RYR3: variants seen among roughly 807,000 people sequenced by gnomAD.
RYR3 encodes ryanodine receptor 3, also known as brain ryanodine receptor-calcium release channel.
In RYR3, 207 loss-of-function variants were observed where a neutral mutation model predicts 584.3. The observed-to-expected ratio is 0.35, with a 90% confidence interval of 0.32 to 0.40. The LOEUF (loss-of-function observed/expected upper bound fraction) is 0.40. RYR3 is among the 10% of genes least tolerant of loss of function. RYR3 has a pLI of 1.00. For missense variants in RYR3, 5,616 were observed against 6,089.2 expected, an observed-to-expected ratio of 0.92 and a Z score of 2.59; for synonymous variants, 2,416 against 2,248.5, an observed-to-expected ratio of 1.07 and a Z score of -2.11.
chr15:33,635,481 T>C, intron 25 of RYR3, 133 bp from the exon 26 acceptor site: 3 of 670,762 alleles, frequency 4.5e-6, no homozygotes, highest in Admixed American at 2.2e-5. Flanking sequence ...AATGCCATAT[T>C]GGATAGTAGT....
At chr15:33,408,661 G>T (rs1456643481) in intron 1 of RYR3, among the ~76,000 whole-genome samples, 1 of 152,058 alleles carries the variant, frequency 6.6e-6, no homozygotes, top group Non-Finnish European at 1.5e-5. Flanking sequence ...ACTAGCATCG[G>T]TTTTTTTGAC....
At chr15:33,377,971 G>A (rs943155064) in intron 1 of RYR3, among the ~76,000 whole-genome samples, 3 of 151,900 alleles carry the variant, frequency 2.0e-5, no homozygotes, top group Admixed American at 1.3e-4. Context: ...TTGTAGAGAT[G>A]GGGTCTCACC....
chr15:33,370,228 A>T (rs1380115024), intron 1 of RYR3, among the ~76,000 whole-genome samples: 1 of 152,140 alleles, frequency 6.6e-6, no homozygotes, highest in Non-Finnish European at 1.5e-5. Context: ...AAAAAAGGCT[A>T]TTATTTCCAT....
chr15:33,591,971 T>C (rs1176659521), intron 16 of RYR3, among the ~76,000 whole-genome samples: 1 of 152,240 alleles, frequency 6.6e-6, no homozygotes, highest in African/African-American at 2.4e-5. Context: ...TAGGTATTTA[T>C]CTTCAAAGTA....
chr15:33,511,734 G>A (rs572771628), intron 3 of RYR3, among the ~76,000 whole-genome samples: 8 of 152,088 alleles, frequency 5.3e-5, no homozygotes, highest in Admixed American at 1.3e-4. Flanking sequence ...ACTTGCCTGT[G>A]GACTCATTTT....
chr15:33,570,921 C>G (rs1360030340), intron 12 of RYR3, among the ~76,000 whole-genome samples: 1 of 152,048 alleles, frequency 6.6e-6, no homozygotes, highest in Non-Finnish European at 1.5e-5. Flanking sequence ...ATGTCATTGA[C>G]CTAATTGAAA....
intron 63 of RYR3, 29 bp downstream of exon 63, chr15:33,772,187 GT>G: frequency 6.8e-7 from 1 of 1,473,314 alleles, no homozygotes; most frequent in Non-Finnish European, 9.5e-7. Context: ...TGTCGTGGAT[GT>G]ATGTGCACAT....
At chr15:33,862,244 A>G (rs1005040468) in intron 102 of RYR3, among the ~76,000 whole-genome samples, 5 of 152,014 alleles carry the variant, frequency 3.3e-5, no homozygotes, top group East Asian at 1.9e-4. Context: ...TAGGGTCTCA[A>G]CCCCGTTGCC....
At chr15:33,763,942 AG>A (rs2072761221) in intron 60 of RYR3, among the ~76,000 whole-genome samples, 1 of 134,364 alleles carries the variant, frequency 7.4e-6, no homozygotes, top group South Asian at 2.5e-4. Flanking sequence ...TGCTGGAGAG[AG>A]GATGTGGAGA....
chr15:33,526,322 T>C (rs776178200), intron 3 of RYR3, among the ~76,000 whole-genome samples: 1 of 152,184 alleles, frequency 6.6e-6, no homozygotes, highest in Admixed American at 6.5e-5. Flanking sequence ...ATCAGGGCCT[T>C]TTACCAGCAT....
chr15:33,832,169 G>A (rs1050976454), intron 86 of RYR3, among the ~76,000 whole-genome samples: 4 of 151,716 alleles, frequency 2.6e-5, no homozygotes, highest in South Asian at 2.1e-4. Flanking sequence ...TGTCGTGCGC[G>A]TGTAGTACCC....
chr15:33,820,839 G>C (rs919070555), intron 78 of RYR3, 27 bp downstream of exon 78: 3 of 1,447,288 alleles, frequency 2.1e-6, no homozygotes, highest in East Asian at 2.7e-5. Context: ...AATAAAAATA[G>C]AGCCACCCTC....
intron 1 of RYR3, among the ~76,000 whole-genome samples, chr15:33,352,234 G>C (rs1394045132): frequency 6.6e-6 from 1 of 152,048 alleles, no homozygotes; most frequent in Non-Finnish European, 1.5e-5. Context: ...CTTAGTTACA[G>C]TTCCTTTATC....
intron 50 of RYR3, 59 bp from the exon 51 acceptor site, chr15:33,739,773 T>G: frequency 7.0e-7 from 1 of 1,437,328 alleles, no homozygotes. Flanking sequence ...GGTGATTGGT[T>G]CTGTCTAAAG....
rs371603240 is a variant in RYR3 at position 33,853,652 on chromosome 15, C to G, written c.13769C>G (p.Thr4590Ser). Residue 4590 changes from threonine (T) to serine (S), a missense_variant, in exon 96 of 104, where the codon ACC (threonine) becomes AGC (serine). Physicochemically the swap from Thr to Ser is moderately conservative, Grantham distance 58. This residue lies in a region of RYR3 where 918 missense variants were observed against 887.4 expected (regional missense o/e 1.03). Transcript: ENST00000634891. ...NALDFSPVEETKAEAASLVSW... is the reference protein window; with the variant it reads ...NALDFSPVEESKAEAASLVSW... ...CTTGACTTTAGCCCAGTAGAAGAGA[C>G]CAAAGCAGAAGCGGCTTCTCTGGTG... The G allele has an allele frequency of 3.3e-5, 54 of 1,613,880 alleles. 1 individual carries two copies. The highest frequency in any genetic ancestry group is 3.3e-4 in the Middle Eastern group (2 of 6,062).
chr15:33,853,780 G>A, intron 96 of RYR3, 98 bp downstream of exon 96: 2 of 1,482,972 alleles, frequency 1.3e-6, no homozygotes, highest in Non-Finnish European at 1.8e-6. Flanking sequence ...TGTTCTCTCA[G>A]GCTGTGGTCT....
chr15:33,403,086 A>G (rs2042789726), intron 1 of RYR3, among the ~76,000 whole-genome samples: 1 of 152,230 alleles, frequency 6.6e-6, no homozygotes, highest in South Asian at 2.1e-4. Flanking sequence ...GGCAGTAGAG[A>G]AATGAATGGT....
At position 33,746,110 on chromosome 15, in the gene RYR3, G is replaced by A. The variant is rs1217115393; in HGVS notation, c.7942G>A (p.Val2648Met). 5.6e-6 allele frequency: 9 copies of A among 1,601,396 alleles called. No homozygotes were observed. In the African/African-American group the frequency reaches 8.0e-5, roughly 14 times the overall value. ...ATATGGGATTTCCCTGGATGAAAAT[G>A]TGAAGACCCACCCACTGATAAGGCC... ...WKYGISLDEN[V>M]KTHPLIRPFK... Residue 2648 changes from valine to methionine, a missense_variant, in exon 53 of 104, where the codon GTG becomes ATG. By Grantham distance (21) the Val-to-Met change is conservative. Coordinates refer to ENST00000634891, the MANE Select transcript of RYR3 (RefSeq NM_001036.6).
intron 21 of RYR3, among the ~76,000 whole-genome samples, chr15:33,629,638 A>G (rs1595891510): frequency 2.6e-5 from 4 of 152,234 alleles, no homozygotes; most frequent in Admixed American, 2.6e-4. Context: ...TTATGGTTAC[A>G]TGAATTTTGG....
Sources: gnomAD v4.1 joint callset for allele counts (sites outside exome capture counted in the v4.1 genomes callset) on GRCh38, gnomAD v4.1.1 for gene constraint, gnomAD v4.1.1 regional missense constraint, MANE v1.5 for transcripts, NCBI Gene and HGNC (gene_info 2026-07-23, HGNC 2026-07-21) for gene names.